Variants in PCDHA4 observed in about 807,000 individuals in gnomAD.
PCDHA4 encodes the protein protocadherin alpha 4.
A neutral mutation model predicts 61.4 loss-of-function variants in PCDHA4; 49 were observed. The ratio of observed to expected loss-of-function variants is 0.80; its 90% CI spans 0.63 to 1.01. The LOEUF (loss-of-function observed/expected upper bound fraction) is 1.01, where lower values mean the gene tolerates loss of function less well. Ranked by LOEUF, PCDHA4 falls within the 50% of genes least tolerant of loss-of-function variation. PCDHA4 has a pLI of 0.00. For synonymous variants in PCDHA4, 590 were observed against 550.3 expected (o/e 1.07, Z -1.01); for missense variants, 1,254 against 1,235.8 (o/e 1.01, Z -0.22).
Position 140,870,763 on chromosome 5 carries a change from G to C in PCDHA4, c.2385+61191G>C, listed in dbSNP as rs1386684596. The stretch of plus-strand genomic sequence containing the variant: ...CAGCAACGTGACGCTGCAGGTGTTC[G>C]TGCTGGACGAGAACGACAACGCGCC... On this transcript the variant is annotated intron_variant, in intron 1 of 3. Transcript: ENST00000530339. 1.1e-5 allele frequency: 18 copies of C among 1,613,434 alleles called. No individual in the cohort carries two copies. Among genetic ancestry groups the C allele is most frequent in the Admixed American group, 3.3e-5 (2 of 60,004 alleles).
Position 140,838,095 on chromosome 5 carries a change from T to TA in PCDHA4, c.2385+28523_2385+28524insA, listed in dbSNP as rs1554136885. On this transcript the variant is annotated intron_variant, in intron 1 of 3. Transcript: ENST00000530339. ...TATATATAGTGTGTGTGTGTGTGTG[T>TA]GTGTGTGTGTGTGTGTGTGTGTGTG... 2.7e-5 allele frequency among the ~76,000 whole-genome samples: 4 copies of TA among 145,996 alleles called. 1 individual carries two copies. The highest frequency in any genetic ancestry group is 1.0e-4 in the African/African-American group (4 of 39,008).
chr5:140,913,398 AT>A (rs1172885484), intron 1 of PCDHA4, among the ~76,000 whole-genome samples: 5 of 152,132 alleles, frequency 3.3e-5, no homozygotes, highest in Non-Finnish European at 7.4e-5. Flanking sequence ...GCCACTAATG[AT>A]CCTTTGAATT....
chr5:140,858,680 A>G (rs2045557174), intron 1 of PCDHA4: 4 of 623,692 alleles, frequency 6.4e-6, no homozygotes, highest in Non-Finnish European at 1.1e-5. Flanking sequence ...TTCTGAATAC[A>G]CTAATATTTT....
intron 1 of PCDHA4, chr5:140,857,365 C>G (rs251362): frequency 0.53 from 847,286 of 1,597,488 alleles, 260,121 homozygotes; most frequent in South Asian, 0.6. Flanking sequence ...CCACGGCCAG[C>G]GTGTCTGTGG....
intron 2 of PCDHA4, among the ~76,000 whole-genome samples, chr5:140,981,395 G>A (rs928966988): frequency 5.2e-4 from 79 of 152,210 alleles, no homozygotes; most frequent in African/African-American, 1.9e-3. Context: ...TCAATATGGT[G>A]AAAACCTGTC....
At chr5:140,822,080 G>A in intron 1 of PCDHA4, 1 of 1,614,258 alleles carries the variant, frequency 6.2e-7, no homozygotes, top group Non-Finnish European at 8.5e-7. Flanking sequence ...GCGGAGTGCA[G>A]CATCCACCTG....
intron 1 of PCDHA4, among the ~76,000 whole-genome samples, chr5:140,904,135 G>A (rs1310606905): frequency 6.6e-5 from 10 of 151,986 alleles, no homozygotes; most frequent in Non-Finnish European, 1.0e-4. Context: ...CCCATCACCC[G>A]AGCAGTATAC....
chr5:140,843,314 GT>G lies in PCDHA4; in HGVS notation c.2385+33744del, dbSNP rs2150357252. 6.3e-6 allele frequency: 10 copies of G among 1,596,084 alleles called. 1 individual carries two copies. The highest frequency in any genetic ancestry group is 8.6e-6 in the Non-Finnish European group (10 of 1,165,598). ...ACCTGCGCTGACCGCCACGGCCACGGTTCTGGTGTCGCTGGTGGAGAGCGGC... is the reference window on the plus strand; with the variant it reads ...ACCTGCGCTGACCGCCACGGCCACGGTCTGGTGTCGCTGGTGGAGAGCGGC... On this transcript the variant is annotated intron_variant, in intron 1 of 3. Transcript: ENST00000530339.
intron 1 of PCDHA4, among the ~76,000 whole-genome samples, chr5:140,960,366 ACT>A (rs2095543381): frequency 6.6e-6 from 1 of 152,188 alleles, no homozygotes; most frequent in Non-Finnish European, 1.5e-5. Flanking sequence ...TAATATGCCA[ACT>A]CTTAAGTGCC....
At chr5:140,923,165 A>G (rs1307354165) in intron 1 of PCDHA4, among the ~76,000 whole-genome samples, 1 of 152,148 alleles carries the variant, frequency 6.6e-6, no homozygotes. Context: ...AGAAAGATAA[A>G]TTTTTGTTCA....
rs199746737 is a variant in PCDHA4 at position 140,822,067 on chromosome 5, A to T, written c.2385+12495A>T. 1.9e-4 allele frequency: 311 copies of T among 1,614,078 alleles called. No individual in the cohort carries two copies. Among genetic ancestry groups the T allele is most frequent in the Non-Finnish European group, 2.4e-4 (286 of 1,180,038 alleles). On this transcript the variant is annotated intron_variant, in intron 1 of 3. Transcript: ENST00000530339. ...CGACCGGGAGGAGCTGTGCCGGCGGAGGGCGGAGTGCAGCATCCACCTGGA... is the reference window on the plus strand; with the variant it reads ...CGACCGGGAGGAGCTGTGCCGGCGGTGGGCGGAGTGCAGCATCCACCTGGA...
chr5:140,808,516 G>A lies in PCDHA4; in HGVS notation c.1329G>A (p.Val443=). Residue 443 remains valine, a synonymous_variant, in exon 1 of 4, where the codon GTG becomes GTA. Transcript: ENST00000530339. ...PSLWATASVS[V]EVADVNDNAP... ...TGTGGGCCACGGCCAGTGTTTCTGTGGAGGTGGCTGATGTGAACGACAACG... is the reference window on the plus strand; with the variant it reads ...TGTGGGCCACGGCCAGTGTTTCTGTAGAGGTGGCTGATGTGAACGACAACG... 1 of 1,614,174 alleles carries A rather than the reference G, an allele frequency of 6.2e-7. No individual in the cohort carries two copies. Among genetic ancestry groups the A allele is most frequent in the South Asian group, 1.1e-5 (1 of 91,086 alleles).
intron 1 of PCDHA4, chr5:140,836,420 G>C (rs2150260462): frequency 6.2e-7 from 1 of 1,613,810 alleles, no homozygotes; most frequent in Non-Finnish European, 8.5e-7. Context: ...CAAAGGCGTC[G>C]TCGCGGGCAT....
chr5:140,968,859 C>T, intron 1 of PCDHA4: 1 of 1,614,184 alleles, frequency 6.2e-7, no homozygotes, highest in Non-Finnish European at 8.5e-7. Context: ...GTTAAGAGCC[C>T]TCGGACATAC....
At chr5:140,959,066 G>T (rs913581823) in intron 1 of PCDHA4, among the ~76,000 whole-genome samples, 81 of 152,142 alleles carry the variant, frequency 5.3e-4, no homozygotes, top group African/African-American at 1.9e-3. Flanking sequence ...AGTATATATA[G>T]AATTCAGTAT....
intron 1 of PCDHA4, chr5:140,884,171 C>T (rs781800470): frequency 6.2e-7 from 1 of 1,613,414 alleles, no homozygotes; most frequent in Admixed American, 1.7e-5. Context: ...CAGCACGACG[C>T]GCCCTCTGGA....
chr5:140,850,287 G>A lies in PCDHA4; in HGVS notation c.2385+40715G>A. On this transcript the variant is annotated intron_variant, in intron 1 of 3. Transcript: ENST00000530339. ...AGTGGTGGGGAAGGTGCGCGCAGTG[G>A]ACGCCGACTCGGGCTACAACGCGTG... 2.5e-6 allele frequency: 4 copies of A among 1,595,954 alleles called. 1 individual carries two copies. Among genetic ancestry groups the A allele is most frequent in the Non-Finnish European group, 3.4e-6 (4 of 1,167,630 alleles).
chr5:140,888,275 G>A (rs974764035), intron 1 of PCDHA4, among the ~76,000 whole-genome samples: 1 of 152,056 alleles, frequency 6.6e-6, no homozygotes, highest in African/African-American at 2.4e-5. Context: ...AAACAGTTTT[G>A]TCCCCTCTAC....
At chr5:140,941,412 G>A (rs246068) in intron 1 of PCDHA4, among the ~76,000 whole-genome samples, 46,949 of 148,492 alleles carry the variant, frequency 0.32, 7,794 homozygotes, top group East Asian at 0.53. Context: ...CGCCTCCCGG[G>A]TTCAAGCAAT....
Sources: allele counts gnomAD v4.1 joint callset (sites outside exome capture counted in the v4.1 genomes callset), GRCh38; gene constraint gnomAD v4.1.1; transcripts MANE v1.5; gene names NCBI Gene and HGNC (gene_info 2026-07-23, HGNC 2026-07-21).